The following RGS3 variants were observed in gnomAD, a reference collection of about 807,000 sequenced individuals.
RGS3 encodes regulator of G protein signaling 3.
In RGS3, 80 loss-of-function variants were observed where a neutral mutation model predicts 132.6. The observed-to-expected ratio is 0.60, with a 90% confidence interval of 0.50 to 0.73. The LOEUF (loss-of-function observed/expected upper bound fraction) is 0.73. RGS3 is among the 30% of genes least tolerant of loss of function. The probability of loss-of-function intolerance (pLI) is 0.00; values close to 1 mark genes in which losing one functional copy is unlikely to be tolerated. For missense variants in RGS3, 1,382 were observed against 1,530.8 expected, an observed-to-expected ratio of 0.90 and a Z score of 1.62; for synonymous variants, 598 against 620.6, an observed-to-expected ratio of 0.96 and a Z score of 0.54.
intron 3 of RGS3, among the ~76,000 whole-genome samples, chr9:113,467,891 T>C (rs1022850911): frequency 6.6e-6 from 1 of 152,166 alleles, no homozygotes; most frequent in South Asian, 2.1e-4. Context: ...ATTTTTCTTA[T>C]GTAAAAAAAA....
chr9:113,593,236 G>T (rs894847207), intron 21 of RGS3, among the ~76,000 whole-genome samples: 1 of 152,222 alleles, frequency 6.6e-6, no homozygotes, highest in Non-Finnish European at 1.5e-5. Context: ...ATTAGACAGG[G>T]TGTCTAGGTC....
chr9:113,513,506 C>T (rs999992467), intron 14 of RGS3, among the ~76,000 whole-genome samples: 2 of 152,186 alleles, frequency 1.3e-5, no homozygotes, highest in Admixed American at 6.5e-5. Context: ...ATCACAACAA[C>T]GAAACAACAC....
upstream of RGS3, among the ~76,000 whole-genome samples, chr9:113,459,497 C>A (rs1829424118): frequency 6.6e-6 from 1 of 152,132 alleles, no homozygotes; most frequent in Admixed American, 6.5e-5. Context: ...CGCCTATAAT[C>A]CCAGCGCTGT....
At chr9:113,555,950 C>G (rs896250647) in intron 19 of RGS3, among the ~76,000 whole-genome samples, 1 of 152,168 alleles carries the variant, frequency 6.6e-6, no homozygotes, top group Non-Finnish European at 1.5e-5. Flanking sequence ...GTCTGTAGAG[C>G]TTTCTTGAGT....
chr9:113,529,043 G>A (rs374707427), intron 17 of RGS3, among the ~76,000 whole-genome samples, 178 bp from the exon 16 acceptor site: 1 of 152,184 alleles, frequency 6.6e-6, no homozygotes. Flanking sequence ...ACATTACCCT[G>A]GTTAGTTACG....
Position 113,508,095 on chromosome 9 carries a change from A to AC in RGS3, c.1438-443dup, listed in dbSNP as rs536047017. On this transcript the variant is annotated intron_variant, in intron 13 of 24. Coordinates refer to ENST00000350696, the Ensembl canonical transcript of RGS3. ...CAAATAAGCTTGCGACATATCCCAT[A>AC]CCCTCTTCCTCATCTAGGAGATTCT... Among the ~76,000 whole-genome samples, 9 of 152,270 alleles carry AC rather than the reference A, an allele frequency of 5.9e-5. No individual in the cohort carries two copies. The East Asian group carries it at 1.4e-3, about 23-fold the overall frequency.
At chr9:113,484,843 G>T (rs1361460924) in intron 6 of RGS3, among the ~76,000 whole-genome samples, 1 of 151,980 alleles carries the variant, frequency 6.6e-6, no homozygotes, top group African/African-American at 2.4e-5. Flanking sequence ...TAATATTTTG[G>T]TTTTTCTCTT....
chr9:113,502,107 C>G (rs1039223571), intron 10 of RGS3, among the ~76,000 whole-genome samples: 1 of 152,162 alleles, frequency 6.6e-6, no homozygotes, highest in Non-Finnish European at 1.5e-5. Context: ...CTGCTGATGC[C>G]TCACTATGGC....
At chr9:113,570,226 G>A (rs1834226681) in intron 19 of RGS3, 1 of 152,214 alleles carries the variant, frequency 6.6e-6, no homozygotes. Flanking sequence ...GATAGCAGTG[G>A]GAGTGCCACT....
chr9:113,535,282 T>C (rs1215951575), intron 18 of RGS3, among the ~76,000 whole-genome samples: 1 of 152,158 alleles, frequency 6.6e-6, no homozygotes. Flanking sequence ...CAAGTGATTC[T>C]CCTGCCTCGG....
intron 19 of RGS3, among the ~76,000 whole-genome samples, chr9:113,543,645 T>G (rs1832990347): frequency 1.3e-5 from 2 of 152,230 alleles, no homozygotes; most frequent in African/African-American, 4.8e-5. Context: ...CTCGCCTGTC[T>G]GGGAAGGCAG....
intron 7 of RGS3, among the ~76,000 whole-genome samples, chr9:113,489,719 G>T (rs963609614): frequency 2.0e-5 from 3 of 148,466 alleles, no homozygotes; most frequent in African/African-American, 7.5e-5. Flanking sequence ...TTGTAGAGAC[G>T]ATGCCTTGCT....
intron 19 of RGS3, chr9:113,581,339 T>C (rs1834796413): frequency 6.6e-6 from 1 of 152,222 alleles, no homozygotes; most frequent in Non-Finnish European, 1.5e-5. Flanking sequence ...TCTGTCCACC[T>C]GGGAACAGCC....
chr9:113,461,586 A>G (rs1447348580), intron 1 of RGS3: 3 of 1,029,702 alleles, frequency 2.9e-6, no homozygotes, highest in East Asian at 2.4e-5. Context: ...CAATCTTCCA[A>G]CTGAATATGT....
At chr9:113,561,408 C>G (rs1833776230) in intron 19 of RGS3, among the ~76,000 whole-genome samples, 1 of 151,290 alleles carries the variant, frequency 6.6e-6, no homozygotes, top group Admixed American at 6.6e-5. Context: ...CTGTCTCTCT[C>G]TCTCTCTCTG....
chr9:113,521,813 G>T (rs1360925658), intron 16 of RGS3, among the ~76,000 whole-genome samples: 1 of 152,208 alleles, frequency 6.6e-6, no homozygotes. Flanking sequence ...ATGTCAACCT[G>T]TTGGCTTTTT....
chr9:113,464,591 C>A (rs998952615), intron 3 of RGS3, among the ~76,000 whole-genome samples: 3 of 152,210 alleles, frequency 2.0e-5, no homozygotes, highest in Non-Finnish European at 2.9e-5. Context: ...GGTAACCCTT[C>A]ATTTCCTCAC....
chr9:113,462,942 G>A (rs1829510456), intron 3 of RGS3, among the ~76,000 whole-genome samples: 1 of 152,214 alleles, frequency 6.6e-6, no homozygotes, highest in Non-Finnish European at 1.5e-5. Context: ...AGATGTCTTG[G>A]TGTGAAACTG....
chr9:113,546,326 C>G (rs1450735537), intron 19 of RGS3, among the ~76,000 whole-genome samples: 2 of 152,198 alleles, frequency 1.3e-5, no homozygotes, highest in Non-Finnish European at 2.9e-5. Flanking sequence ...CTGACTTCCC[C>G]CTTCGTGGTT....
Sources: gnomAD v4.1 joint callset for allele counts (sites outside exome capture counted in the v4.1 genomes callset) on GRCh38, gnomAD v4.1.1 for gene constraint, MANE v1.5 for transcripts, NCBI Gene and HGNC (gene_info 2026-07-23, HGNC 2026-07-21) for gene names.